AKNA: variants seen among roughly 807,000 people sequenced by gnomAD.
AKNA encodes microtubule organization protein AKNA.
A neutral mutation model predicts 138.8 loss-of-function variants in AKNA; 67 were observed. The observed-to-expected ratio is 0.48, with a 90% CI of 0.40 to 0.59. The LOEUF (loss-of-function observed/expected upper bound fraction) is 0.59, where lower values mean the gene tolerates loss of function less well. Among genes scored for constraint, AKNA ranks in the 20% least tolerant of loss-of-function variants. AKNA has a pLI of 0.00. For synonymous variants in AKNA, 737 were observed against 754.4 expected (o/e 0.98, Z 0.38); for missense variants, 1,813 against 1,880.4 (o/e 0.96, Z 0.66).
chr9:114,374,235 C>T (rs1833006422), intron 3 of AKNA, 68 bp from the exon 4 acceptor site: 30 of 1,454,530 alleles, frequency 2.1e-5, no homozygotes, highest in Non-Finnish European at 2.7e-5. Flanking sequence ...GCTGGGAGAC[C>T]CTGATAGCAA....
At chr9:114,395,349 T>A (rs887327910), upstream of AKNA, among the ~76,000 whole-genome samples, 1 of 152,032 alleles carries the variant, frequency 6.6e-6, no homozygotes, top group Non-Finnish European at 1.5e-5. Flanking sequence ...CTCTTCCCTA[T>A]CACCCACCCT....
intron 2 of AKNA, among the ~76,000 whole-genome samples, chr9:114,378,321 C>T (rs568491998): frequency 2.0e-5 from 3 of 152,332 alleles, no homozygotes; most frequent in African/African-American, 7.2e-5. Flanking sequence ...CTTAGCTCTC[C>T]CTGACTAGGT....
At chr9:114,342,356 AAGCCACTGGGCT>A (rs1387259957) in intron 19 of AKNA, among the ~76,000 whole-genome samples, 2 of 152,114 alleles carry the variant, frequency 1.3e-5, no homozygotes, top group Non-Finnish European at 2.9e-5. Flanking sequence ...CAAATCCAAC[AAGCCACTGGGCT>A]AGCCACTGTC....
intron 12 of AKNA, 137 bp downstream of exon 12, chr9:114,357,784 G>A: frequency 7.3e-7 from 1 of 1,373,938 alleles, no homozygotes; most frequent in Non-Finnish European, 9.9e-7. Context: ...ATGTCAGGTG[G>A]GATTGTGGCT....
intron 5 of AKNA, 30 bp from the exon 6 acceptor site, chr9:114,367,727 C>A: frequency 6.6e-7 from 1 of 1,523,436 alleles, no homozygotes; most frequent in Non-Finnish European, 8.8e-7. Flanking sequence ...AAAGCTGGGG[C>A]CAAGAACAGT....
chr9:114,353,253 T>C (rs1400613935), intron 14 of AKNA, among the ~76,000 whole-genome samples: 2 of 119,392 alleles, frequency 1.7e-5, no homozygotes, highest in Non-Finnish European at 3.6e-5. Flanking sequence ...AAAATGATCT[T>C]ATTTTTTGTT....
chr9:114,362,290 T>G, intron 8 of AKNA, 116 bp downstream of exon 8: 1 of 1,391,584 alleles, frequency 7.2e-7, no homozygotes, highest in Non-Finnish European at 9.5e-7. Context: ...TAGGATAAGA[T>G]TTCTCTCTAT....
intron 21 of AKNA, among the ~76,000 whole-genome samples, chr9:114,339,548 A>G (rs1416309275): frequency 6.6e-6 from 1 of 152,228 alleles, no homozygotes; most frequent in Non-Finnish European, 1.5e-5. Context: ...GGAAACAGCA[A>G]CCTGGTGAGT....
In AKNA at chr9:114,380,934, G is replaced by A. The variant is rs1037660083; in HGVS notation, c.274+126C>T. ...GGAGGCAGAGGCTGTAGTGAGCCGA[G>A]ATCGTGCCACTGCACTCCAGCCTGG... On this transcript the variant is annotated intron_variant, in intron 2 of 21. Coordinates refer to ENST00000374088, the MANE Select transcript of AKNA (RefSeq NM_001317950.2). 9.7e-6 allele frequency: 11 copies of A among 1,137,504 alleles called. No individual in the cohort carries two copies. In the African/African-American group the frequency reaches 2.0e-4, roughly 21 times the overall value. The allele number at this position is 1,137,504 out of a possible 1,614,324, so 70.5% of individuals were successfully genotyped here.
Position 114,337,253 on chromosome 9 carries a change from G to A in AKNA, c.4121C>T (p.Pro1374Leu). Residue 1374 changes from proline to leucine, a missense_variant, in exon 22 of 22, where the codon CCC (proline) becomes CTC (leucine). Coordinates refer to ENST00000374088, the MANE Select transcript of AKNA (RefSeq NM_001317950.2). ...CCGGGCTGGTGGGGGAGAGGCTGTGGGCGGCCACTTGGCAGCTGGTTGGGC... is the reference window on the plus strand; with the variant it reads ...CCGGGCTGGTGGGGGAGAGGCTGTGAGCGGCCACTTGGCAGCTGGTTGGGC... ...TSAQPAAKWP[P>L]TASPPPARRH... 1 of 1,556,028 alleles carries A rather than the reference G, an allele frequency of 6.4e-7. No homozygotes were observed. The highest frequency in any genetic ancestry group is 8.8e-7 in the Non-Finnish European group (1 of 1,142,598).
In AKNA at chr9:114,341,906, G is replaced by GTT. The variant is rs1449033655; in HGVS notation, c.3874+102_3874+103insAA. 6.5e-5 allele frequency: 88 copies of GTT among 1,352,372 alleles called. No individual in the cohort carries two copies. The African/African-American group carries it at 1.2e-3, about 18-fold the overall frequency. The allele number at this position is 1,352,372 out of a possible 1,614,324, so 83.8% of individuals were successfully genotyped here. A position where few individuals can be genotyped will look rare whatever the true frequency, so the allele number is the denominator to read the frequency against. Reference sequence around the variant, plus strand: ...CCTCTGCCCCAGTTGCTCTGTCCCAGACTGGAACAACAGCTGCTCCAGTTA... The same window carrying GTT: ...CCTCTGCCCCAGTTGCTCTGTCCCAGTTACTGGAACAACAGCTGCTCCAGTTA... On this transcript the variant is annotated intron_variant, in intron 20 of 21. Transcript: ENST00000374088.
downstream of AKNA, chr9:114,333,234 G>A: frequency 1.1e-6 from 1 of 919,052 alleles, no homozygotes; most frequent in East Asian, 2.7e-5. Flanking sequence ...CATCAATAAA[G>A]CTTCTGTGTT....
chr9:114,377,482 C>T lies in AKNA; in HGVS notation c.325G>A (p.Ala109Thr). ...DSPASSHEPL[A>T]WLPQQGRQLD... Reference sequence around the variant, plus strand: ...TGACGGCCCTGCTGGGGGAGCCAGGCAAGAGGCTCATGGGAACTTGCTGGG... The same window carrying T: ...TGACGGCCCTGCTGGGGGAGCCAGGTAAGAGGCTCATGGGAACTTGCTGGG... The change falls in exon 3 of 22, where the codon GCC becomes ACC. Residue 109 changes from alanine to threonine, a missense_variant. Ala to Thr is a moderately conservative substitution (Grantham distance 58, BLOSUM62 0). Coordinates refer to ENST00000374088, the MANE Select transcript of AKNA (RefSeq NM_001317950.2). 6.2e-7 allele frequency: 1 copy of T among 1,612,556 alleles called. No individual in the cohort carries two copies. The highest frequency in any genetic ancestry group is 8.5e-7 in the Non-Finnish European group (1 of 1,179,390).
chr9:114,347,933 A>G, intron 15 of AKNA, 33 bp from the exon 16 acceptor site: 1 of 1,545,258 alleles, frequency 6.5e-7, no homozygotes, highest in Non-Finnish European at 8.7e-7. Flanking sequence ...AACAAAGAAC[A>G]GAGGCATGAG....
downstream of AKNA, among the ~76,000 whole-genome samples, chr9:114,331,383 T>C (rs559726315): frequency 2.6e-5 from 4 of 152,042 alleles, no homozygotes; most frequent in Non-Finnish European, 4.4e-5. Flanking sequence ...AGATCTCATG[T>C]ACAGAAAGTG....
At chr9:114,342,591 T>C (rs1830429796) in intron 19 of AKNA, among the ~76,000 whole-genome samples, 1 of 149,624 alleles carries the variant, frequency 6.7e-6, no homozygotes, top group South Asian at 2.1e-4. Context: ...GGGGGGTCAG[T>C]AGAGGCAAAA....
intron 16 of AKNA, among the ~76,000 whole-genome samples, chr9:114,347,469 C>G (rs1357819916): frequency 6.6e-6 from 1 of 152,168 alleles, no homozygotes; most frequent in Non-Finnish European, 1.5e-5. Context: ...CTTCCCGCCT[C>G]GGCCTCCCAA....
At chr9:114,365,346 T>C (rs1418578804) in intron 6 of AKNA, among the ~76,000 whole-genome samples, 1 of 152,218 alleles carries the variant, frequency 6.6e-6, no homozygotes, top group Admixed American at 6.5e-5. Context: ...CAGCCATTTC[T>C]ATAAATGCAA....
At chr9:114,398,217 C>T (rs540972042), upstream of AKNA, among the ~76,000 whole-genome samples, 2 of 152,306 alleles carry the variant, frequency 1.3e-5, no homozygotes, top group African/African-American at 4.8e-5. The surrounding 1 kb of genome is among the most constrained non-coding windows in gnomAD (Gnocchi z 4.2). Context: ...GGGCCCATAC[C>T]GCCCGTCCAG....
Sources: allele counts gnomAD v4.1 joint callset (sites outside exome capture counted in the v4.1 genomes callset), GRCh38; gene constraint gnomAD v4.1.1; non-coding constraint Gnocchi (gnomAD v3.1); transcripts MANE v1.5; gene names NCBI Gene and HGNC (gene_info 2026-07-23, HGNC 2026-07-21).